The following DYNC2I1 variants were observed in gnomAD, a reference collection of about 807,000 sequenced individuals.
DYNC2I1 encodes the protein dynein 2 intermediate chain 1, also known as cytoplasmic dynein 2 intermediate chain 1.
In DYNC2I1, 89 loss-of-function variants were observed where a neutral mutation model predicts 133.4. That is an observed-to-expected ratio of 0.67 (90% confidence interval 0.56 to 0.80). DYNC2I1 has a LOEUF of 0.80. DYNC2I1 is among the 30% of genes least tolerant of loss of function. The pLI is 0.00. For missense variants in DYNC2I1, 1,291 were observed against 1,314.5 expected (o/e 0.98, Z 0.28); for synonymous variants, 504 against 484.3 (o/e 1.04, Z -0.54).
downstream of DYNC2I1, among the ~76,000 whole-genome samples, chr7:158,948,031 CAGGG>C (rs985244357): frequency 1.3e-5 from 2 of 152,226 alleles, no homozygotes; most frequent in Non-Finnish European, 2.9e-5. Flanking sequence ...GCCTCACCCC[CAGGG>C]AGGAGCTGGC....
chr7:158,840,574 G>T, the DYNC2I1 span, among the ~76,000 whole-genome samples: 1 of 152,064 alleles, frequency 6.6e-6, no homozygotes, highest in South Asian at 2.1e-4. Context: ...CTAAAAAAAT[G>T]GTTTTGATTG....
Position 158,945,821 on chromosome 7 carries a change from T to G in DYNC2I1, c.*42T>G. ...GACCGCGTTTCTGTAATGACCCAGA[T>G]TTAAAAGACATAAGGTGGATAATTC... On this transcript the variant is annotated 3_prime_UTR_variant, in exon 25 of 25. Coordinates refer to ENST00000407559, the MANE Select transcript of DYNC2I1 (RefSeq NM_018051.5). The surrounding 1 kb of genome is among the most constrained non-coding windows in gnomAD (Gnocchi z 4.1). The G allele has an allele frequency of 6.8e-7, 1 of 1,468,754 alleles. No individual in the cohort carries two copies. Among genetic ancestry groups the G allele is most frequent in the Non-Finnish European group, 9.0e-7 (1 of 1,108,106 alleles). 91.0% of individuals were successfully genotyped at this position (1,468,754 alleles called of 1,614,324 possible).
chr7:158,902,294 A>G (rs1441469500), intron 9 of DYNC2I1, 82 bp from the exon 10 acceptor site: 4 of 1,113,340 alleles, frequency 3.6e-6, no homozygotes, highest in Non-Finnish European at 3.9e-6. Flanking sequence ...TAAGTTATAA[A>G]GTGTCATGTT....
rs1207316639 is a variant in DYNC2I1, at chr7:158,934,221, C to T, written c.2639C>T (p.Thr880Ile). The T allele has an allele frequency of 1.2e-6, 2 of 1,610,600 alleles. No individual in the cohort carries two copies. The highest frequency in any genetic ancestry group is 1.1e-5 in the South Asian group (1 of 90,152). ...GATCCTAATCACTTTATTATTGGCA[C>T]AGACATGGTGAGTAGTATTTTAAAT... ...PSDPNHFIIG[T>I]DMGLISHGTR... Residue 880 changes from threonine (T) to isoleucine (I), a missense_variant, in exon 22 of 25, where the codon ACA (threonine) becomes ATA (isoleucine). By Grantham distance (89) the Thr-to-Ile change is moderately conservative (BLOSUM62 -1). Transcript: ENST00000407559.
chr7:158,875,061 C>G (rs952895012), intron 3 of DYNC2I1, among the ~76,000 whole-genome samples: 2 of 150,212 alleles, frequency 1.3e-5, no homozygotes, highest in Non-Finnish European at 2.9e-5. Context: ...ACCCAGACTC[C>G]TAGAAGAGTG....
chr7:158,855,986 G>C (rs1841203940), upstream of DYNC2I1, among the ~76,000 whole-genome samples: 1 of 145,558 alleles, frequency 6.9e-6, no homozygotes, highest in Non-Finnish European at 1.5e-5. Context: ...CTGTCGCCCA[G>C]GTTGGAGTGC....
At chr7:158,933,277 C>G (rs1007709311) in intron 21 of DYNC2I1, among the ~76,000 whole-genome samples, 2 of 152,182 alleles carry the variant, frequency 1.3e-5, no homozygotes, top group African/African-American at 4.8e-5. Flanking sequence ...AGGAAAATCT[C>G]TAAATGCCAT....
chr7:158,857,792 T>A (rs1217286554), intron 1 of DYNC2I1, among the ~76,000 whole-genome samples: 1 of 38,588 alleles, frequency 2.6e-5, no homozygotes, highest in South Asian at 1.0e-3. Flanking sequence ...GCACCCGGCC[T>A]TTTTTTTTTT....
At chr7:158,859,101 C>A (rs1376819756) in intron 1 of DYNC2I1, among the ~76,000 whole-genome samples, 1 of 147,058 alleles carries the variant, frequency 6.8e-6, no homozygotes, top group Non-Finnish European at 1.5e-5. Context: ...GCTCAAGCAA[C>A]GCTCTTGCCT....
intron 3 of DYNC2I1, among the ~76,000 whole-genome samples, chr7:158,872,936 A>T (rs1843009464): frequency 1.3e-5 from 2 of 151,532 alleles, no homozygotes; most frequent in Admixed American, 1.3e-4. Context: ...GGTTGCAATG[A>T]GCTGAGATCA....
At chr7:158,921,645 A>T (rs1849105795) in intron 15 of DYNC2I1, among the ~76,000 whole-genome samples, 1 of 152,134 alleles carries the variant, frequency 6.6e-6, no homozygotes, top group African/African-American at 2.4e-5. Flanking sequence ...GTTGTGACCC[A>T]AGCATGGATG....
intron 7 of DYNC2I1, among the ~76,000 whole-genome samples, chr7:158,889,882 G>A (rs1284058779): frequency 6.6e-6 from 1 of 151,426 alleles, no homozygotes; most frequent in African/African-American, 2.4e-5. Context: ...GTGGCCTCCT[G>A]TAATCCCAAG....
At chr7:158,905,723 G>A (rs1292615817) in intron 10 of DYNC2I1, among the ~76,000 whole-genome samples, 2 of 152,116 alleles carry the variant, frequency 1.3e-5, no homozygotes, top group African/African-American at 4.8e-5. Context: ...CATCTTTTGT[G>A]CATTCTTAAG....
chr7:158,894,251 CAT>C (rs1845561273), intron 8 of DYNC2I1, among the ~76,000 whole-genome samples: 1 of 151,976 alleles, frequency 6.6e-6, no homozygotes, highest in Non-Finnish European at 1.5e-5. Context: ...CATGTCACAC[CAT>C]ATATCATGGC....
intron 15 of DYNC2I1, among the ~76,000 whole-genome samples, chr7:158,920,951 A>G (rs1407105093): frequency 1.3e-5 from 2 of 152,160 alleles, no homozygotes; most frequent in Non-Finnish European, 2.9e-5. Context: ...ACGCGGCAGA[A>G]TGACGCAGCC....
At chr7:158,926,546 C>G in intron 19 of DYNC2I1, 83 bp downstream of exon 19, 1 of 1,447,404 alleles carries the variant, frequency 6.9e-7, no homozygotes, top group Admixed American at 2.0e-5. Flanking sequence ...GCGCAGGGGG[C>G]GGGACCCAGT....
the DYNC2I1 span, among the ~76,000 whole-genome samples, chr7:158,841,213 A>ATTT: frequency 1.1e-4 from 6 of 54,510 alleles, no homozygotes; most frequent in African/African-American, 4.3e-4. Flanking sequence ...ATATATATAT[A>ATTT]TATATATATT....
At chr7:158,863,428 C>A (rs548181296) in intron 1 of DYNC2I1, among the ~76,000 whole-genome samples, 3 of 152,018 alleles carry the variant, frequency 2.0e-5, no homozygotes, top group African/African-American at 7.2e-5. Context: ...CACCTCTGGG[C>A]ACCACTGAAC....
At position 158,922,464 on chromosome 7, in the gene DYNC2I1, C is replaced by T. The variant is rs1229748010; in HGVS notation, c.2009C>T (p.Pro670Leu). 1 of 1,613,948 alleles carries T rather than the reference C, an allele frequency of 6.2e-7. No homozygotes were observed. Among genetic ancestry groups the T allele is most frequent in the Non-Finnish European group, 8.5e-7 (1 of 1,179,888 alleles). Residue 670 changes from proline (P) to leucine (L), a missense_variant, in exon 16 of 25, where the codon CCC becomes CTC. Coordinates refer to ENST00000407559, the MANE Select transcript of DYNC2I1 (RefSeq NM_018051.5). ...VHDLPEKSFV[P>L]LLDSKYVLCV... ...GACTTACCCGAGAAGAGCTTTGTGCCCCTGCTGGACAGCAAATACGTCCTC... is the reference window on the plus strand; with the variant it reads ...GACTTACCCGAGAAGAGCTTTGTGCTCCTGCTGGACAGCAAATACGTCCTC...
Sources: allele counts gnomAD v4.1 joint callset (sites outside exome capture counted in the v4.1 genomes callset), GRCh38; gene constraint gnomAD v4.1.1; non-coding constraint Gnocchi (gnomAD v3.1); transcripts MANE v1.5; gene names NCBI Gene and HGNC (gene_info 2026-07-23, HGNC 2026-07-21).